Variants in IMMP2L observed in about 807,000 individuals in gnomAD.
The protein encoded by IMMP2L is mitochondrial inner membrane protease subunit 2.
Under a neutral mutation model 19.3 loss-of-function variants are expected in IMMP2L, and 18 were observed. The observed-to-expected ratio is 0.93, with a 90% CI of 0.64 to 1.38. The LOEUF is 1.38. Among genes scored for constraint, IMMP2L ranks in the 40% most tolerant of loss-of-function variants. The pLI, the probability that IMMP2L is intolerant of heterozygous loss-of-function variation, is 0.00. For missense variants in IMMP2L, 233 were observed against 218.2 expected (o/e 1.07, Z -0.43); for synonymous variants, 76 against 73.0 (o/e 1.04, Z -0.21).
chr7:111,144,592 AC>A (rs1156816151), intron 3 of IMMP2L, among the ~76,000 whole-genome samples: 14 of 152,044 alleles, frequency 9.2e-5, no homozygotes, highest in South Asian at 2.1e-4. Context: ...CAAAATACTT[AC>A]GCTTATTTAA....
At chr7:111,384,648 G>C (rs926154704) in intron 3 of IMMP2L, among the ~76,000 whole-genome samples, 2 of 152,122 alleles carry the variant, frequency 1.3e-5, no homozygotes, top group East Asian at 3.9e-4. Flanking sequence ...TGCTCCATTT[G>C]GCCTCTAGCT....
chr7:110,981,302 T>C (rs1585573621), intron 3 of IMMP2L, among the ~76,000 whole-genome samples: 1 of 152,088 alleles, frequency 6.6e-6, no homozygotes, highest in Non-Finnish European at 1.5e-5. Flanking sequence ...GGTGTGGCAA[T>C]AGTCACACTG....
At chr7:110,774,229 C>T (rs1280639950) in intron 5 of IMMP2L, among the ~76,000 whole-genome samples, 1 of 152,026 alleles carries the variant, frequency 6.6e-6, no homozygotes, top group Admixed American at 6.6e-5. Flanking sequence ...TTACCTAAAA[C>T]CTGTTTTTCC....
chr7:111,251,148 A>T (rs1816065716), intron 3 of IMMP2L, among the ~76,000 whole-genome samples: 2 of 152,330 alleles, frequency 1.3e-5, no homozygotes, highest in East Asian at 1.9e-4. Context: ...ATATGAAAAA[A>T]GCTCAACATC....
At chr7:110,793,667 T>C (rs567845847) in intron 5 of IMMP2L, among the ~76,000 whole-genome samples, 2 of 152,220 alleles carry the variant, frequency 1.3e-5, no homozygotes, top group East Asian at 3.9e-4. Context: ...ATGTAATGTA[T>C]AGCATGATAC....
chr7:111,534,782 G>A (rs1326311613), intron 1 of IMMP2L, among the ~76,000 whole-genome samples: 3 of 152,142 alleles, frequency 2.0e-5, no homozygotes, highest in Admixed American at 6.5e-5. Context: ...CCCAATTAAA[G>A]TGAAAGTCTC....
intron 3 of IMMP2L, among the ~76,000 whole-genome samples, chr7:111,430,794 T>C (rs900262215): frequency 2.0e-5 from 3 of 151,490 alleles, no homozygotes; most frequent in African/African-American, 4.9e-5. Flanking sequence ...GGGAGAGAAA[T>C]AGACAAAAGA....
At chr7:111,150,780 G>A (rs201715790) in intron 3 of IMMP2L, among the ~76,000 whole-genome samples, 1 of 152,158 alleles carries the variant, frequency 6.6e-6, no homozygotes, top group East Asian at 1.9e-4. Context: ...TTTTCTCAGA[G>A]AAATAAGCAT....
At chr7:111,034,280 T>A (rs1791121199) in intron 3 of IMMP2L, among the ~76,000 whole-genome samples, 1 of 152,042 alleles carries the variant, frequency 6.6e-6, no homozygotes, top group Admixed American at 6.6e-5. Context: ...CTGCAGTGAA[T>A]TTACAGTCTA....
At chr7:110,762,775 G>A (rs1427476018) in intron 5 of IMMP2L, among the ~76,000 whole-genome samples, 8 of 152,046 alleles carry the variant, frequency 5.3e-5, no homozygotes, top group Non-Finnish European at 8.8e-5. Context: ...GGATAGCAGG[G>A]TCTTTTATAA....
intron 3 of IMMP2L, among the ~76,000 whole-genome samples, chr7:111,212,772 A>G (rs1283516534): frequency 6.6e-6 from 1 of 152,230 alleles, no homozygotes; most frequent in Non-Finnish European, 1.5e-5. Flanking sequence ...AAAGAAGAGC[A>G]ATTCTAAAGG....
chr7:111,178,751 C>T (rs73420054), intron 3 of IMMP2L, among the ~76,000 whole-genome samples: 3,900 of 152,148 alleles, frequency 0.026, 173 homozygotes, highest in African/African-American at 0.089. Context: ...TGTAGCAATT[C>T]AGTTCCATCT....
intron 3 of IMMP2L, among the ~76,000 whole-genome samples, chr7:111,031,981 G>A (rs1023048635): frequency 3.2e-5 from 4 of 125,026 alleles, no homozygotes; most frequent in African/African-American, 9.6e-5. Context: ...CTCTGTCACC[G>A]AGGCTGGAGT....
chr7:111,139,032 C>T (rs214850), intron 3 of IMMP2L, among the ~76,000 whole-genome samples: 14,908 of 151,730 alleles, frequency 0.098, 1,729 homozygotes, highest in African/African-American at 0.28. Context: ...TCTATTGATC[C>T]CTTTATTTAA....
rs1290926083 is a variant in IMMP2L at position 111,528,559 on chromosome 7, C to T, written c.-2-7110G>A. Among the ~76,000 whole-genome samples, 8 of 152,300 alleles carry T rather than the reference C, an allele frequency of 5.3e-5. 1 individual carries two copies. The highest frequency in any genetic ancestry group is 1.9e-4 in the African/African-American group (8 of 41,570). The stretch of plus-strand genomic sequence containing the variant: ...GAGAGTTTCTTGGTGATGCTGACCT[C>T]AACCACATAACAACCCACACTGTAA... On this transcript the variant is annotated intron_variant, in intron 1 of 5. Transcript: ENST00000405709.
At chr7:110,857,461 C>T (rs538808963) in intron 5 of IMMP2L, among the ~76,000 whole-genome samples, 2 of 152,128 alleles carry the variant, frequency 1.3e-5, no homozygotes, top group East Asian at 3.9e-4. Flanking sequence ...ATTTGACTAA[C>T]ATAAAAGACA....
intron 1 of IMMP2L, among the ~76,000 whole-genome samples, chr7:111,554,862 C>T (rs1203495518): frequency 6.6e-6 from 1 of 152,124 alleles, no homozygotes; most frequent in East Asian, 1.9e-4. Flanking sequence ...GATCCACCCA[C>T]CTCAGCCTCC....
At chr7:111,318,829 T>G (rs1779591145) in intron 3 of IMMP2L, among the ~76,000 whole-genome samples, 1 of 152,182 alleles carries the variant, frequency 6.6e-6, no homozygotes, top group South Asian at 2.1e-4. Context: ...ACTATGGAAG[T>G]AACAGTTCTT....
chr7:111,281,188 AAGAAAG>A (rs1563004592), intron 3 of IMMP2L, among the ~76,000 whole-genome samples: 1 of 59,554 alleles, frequency 1.7e-5, no homozygotes, highest in Admixed American at 1.9e-4. Context: ...GAAAGAAAGA[AAGAAAG>A]AAAGAAAGAA....
Sources: gnomAD v4.1 joint callset for allele counts (sites outside exome capture counted in the v4.1 genomes callset) on GRCh38, gnomAD v4.1.1 for gene constraint, MANE v1.5 for transcripts, NCBI Gene and HGNC (gene_info 2026-07-23, HGNC 2026-07-21) for gene names.